Variants in GALNT7 observed in about 807,000 individuals in gnomAD.
The protein encoded by GALNT7 is N-acetylgalactosaminyltransferase 7.
A neutral mutation model predicts 82.1 loss-of-function variants in GALNT7; 60 were observed. The observed-to-expected ratio is 0.73, with a 90% CI of 0.59 to 0.91. The LOEUF is 0.91. Among genes scored for constraint, GALNT7 ranks in the 40% least tolerant of loss-of-function variants. GALNT7 has a pLI of 0.00. For synonymous variants in GALNT7, 243 were observed against 275.1 expected (o/e 0.88, Z 1.15); for missense variants, 660 against 804.2 (o/e 0.82, Z 2.17).
intron 2 of GALNT7, among the ~76,000 whole-genome samples, chr4:173,255,828 G>A (rs79002528): frequency 0.014 from 2,114 of 152,252 alleles, 52 homozygotes; most frequent in African/African-American, 0.043. Flanking sequence ...TGTGCATGGC[G>A]GAACACACGC....
rs10520257 is a variant in GALNT7 at position 173,311,323 on chromosome 4, G to T, written c.1390-2635G>T. On this transcript the variant is annotated intron_variant, in intron 8 of 11. Transcript: ENST00000265000. Reference sequence around the variant, plus strand: ...GAGTACATGTACTGTGTCTAATTTCGTATGGATTTGCAAAGATTCAGAATG... The same window carrying T: ...GAGTACATGTACTGTGTCTAATTTCTTATGGATTTGCAAAGATTCAGAATG... Among the ~76,000 whole-genome samples, 646 of 152,186 alleles carry T rather than the reference G, an allele frequency of 4.2e-3. 10 individuals carry two copies. The highest frequency in any genetic ancestry group is 6.8e-3 in the Middle Eastern group (2 of 294).
At chr4:173,251,521 T>C (rs1734845531) in intron 2 of GALNT7, among the ~76,000 whole-genome samples, 1 of 152,240 alleles carries the variant, frequency 6.6e-6, no homozygotes, top group South Asian at 2.1e-4. Flanking sequence ...TTGCCTTGTC[T>C]ACATCCTCTT....
chr4:173,204,078 T>G (rs993349151), intron 1 of GALNT7, among the ~76,000 whole-genome samples: 1 of 152,212 alleles, frequency 6.6e-6, no homozygotes, highest in African/African-American at 2.4e-5. Flanking sequence ...CTCTCCTTAA[T>G]TCTGAAGCAC....
intron 2 of GALNT7, among the ~76,000 whole-genome samples, chr4:173,257,637 G>C (rs867867721): frequency 4.6e-5 from 7 of 152,114 alleles, no homozygotes; most frequent in Admixed American, 1.3e-4. Flanking sequence ...CTGAATCCTA[G>C]GGGAGATTCC....
chr4:173,290,324 A>G (rs1475938277), intron 2 of GALNT7, among the ~76,000 whole-genome samples: 1 of 152,230 alleles, frequency 6.6e-6, no homozygotes, highest in East Asian at 1.9e-4. Context: ...TTTCATTCTT[A>G]TTAAAAGAAT....
chr4:173,276,020 AGT>A (rs1735894364), intron 2 of GALNT7, among the ~76,000 whole-genome samples: 1 of 152,208 alleles, frequency 6.6e-6, no homozygotes, highest in Non-Finnish European at 1.5e-5. Flanking sequence ...TTAATTATCT[AGT>A]TTCATCCTGA....
chr4:173,271,126 A>G (rs983676820), intron 2 of GALNT7, among the ~76,000 whole-genome samples: 1 of 152,240 alleles, frequency 6.6e-6, no homozygotes, highest in Middle Eastern at 3.2e-3. Context: ...CAGCAAAGCC[A>G]TCTGCAAAGT....
chr4:173,279,521 C>T (rs968352351), intron 2 of GALNT7, among the ~76,000 whole-genome samples: 3 of 152,196 alleles, frequency 2.0e-5, no homozygotes, highest in African/African-American at 7.2e-5. Flanking sequence ...ATATTGATTT[C>T]TGAATGCTAA....
At chr4:173,284,273 A>G (rs1736228512) in intron 2 of GALNT7, among the ~76,000 whole-genome samples, 1 of 152,238 alleles carries the variant, frequency 6.6e-6, no homozygotes, top group Non-Finnish European at 1.5e-5. Context: ...TAAGACAACA[A>G]TTGTCTGTAA....
chr4:173,288,183 T>C, intron 2 of GALNT7, among the ~76,000 whole-genome samples: 1 of 143,986 alleles, frequency 6.9e-6, no homozygotes. Context: ...CTCGGGAGGC[T>C]GAGGCAGGAG....
At chr4:173,300,540 A>G (rs1262138728) in intron 6 of GALNT7, among the ~76,000 whole-genome samples, 1 of 151,842 alleles carries the variant, frequency 6.6e-6, no homozygotes, top group South Asian at 2.1e-4. Context: ...ACATTTCAGG[A>G]TCGTGAATAA....
rs79692039 is a variant in GALNT7, at chr4:173,319,985, C to T, written c.1836+1426C>T. 1.5e-3 allele frequency among the ~76,000 whole-genome samples: 226 copies of T among 152,206 alleles called. 3 individuals are homozygous for T. In the East Asian group the frequency reaches 0.037, roughly 25 times the overall value. On this transcript the variant is annotated intron_variant, in intron 11 of 11. Transcript: ENST00000265000. ...GATGAGCAAAGATGTGGCATGAAAA[C>T]ATGTAGAAAATTCAAAGAATTGTAT...
chr4:173,273,687 T>G (rs1735806120), intron 2 of GALNT7, among the ~76,000 whole-genome samples: 1 of 152,170 alleles, frequency 6.6e-6, no homozygotes, highest in African/African-American at 2.4e-5. Flanking sequence ...ACAGGAGCCC[T>G]TGACCCTCTG....
intron 2 of GALNT7, among the ~76,000 whole-genome samples, chr4:173,281,452 T>C (rs992551297): frequency 1.3e-5 from 2 of 152,144 alleles, no homozygotes; most frequent in South Asian, 4.1e-4. Context: ...AGTTGCCACA[T>C]GTCATCCTAT....
Position 173,302,246 on chromosome 4 carries a change from G to A in GALNT7, c.1266+82G>A. The A allele has an allele frequency of 2.6e-6, 2 of 758,274 alleles. No homozygotes were observed. Among genetic ancestry groups the A allele is most frequent in the East Asian group, 2.5e-5 (1 of 40,726 alleles). 47.0% of individuals were successfully genotyped at this position (758,274 alleles called of 1,614,324 possible). The stretch of plus-strand genomic sequence containing the variant: ...TTCAGATAAAGCTAGTTTTTTGTGG[G>A]GGAAAAAAGCCCACAATTATATCAT... On this transcript the variant is annotated intron_variant, in intron 7 of 11. Coordinates refer to ENST00000265000, the MANE Select transcript of GALNT7 (RefSeq NM_017423.3). The surrounding 1 kb of genome is among the most constrained non-coding windows in gnomAD (Gnocchi z 4.2).
At chr4:173,243,069 A>G (rs1207044617) in intron 1 of GALNT7, among the ~76,000 whole-genome samples, 1 of 152,216 alleles carries the variant, frequency 6.6e-6, no homozygotes, top group Non-Finnish European at 1.5e-5. Context: ...TCAAGAGATC[A>G]TGTGACTGCA....
intron 2 of GALNT7, among the ~76,000 whole-genome samples, chr4:173,259,570 A>T (rs946763502): frequency 4.6e-5 from 7 of 151,966 alleles, no homozygotes; most frequent in African/African-American, 1.7e-4. Flanking sequence ...CTTTATTCTG[A>T]GTTATATTAA....
intron 7 of GALNT7, among the ~76,000 whole-genome samples, chr4:173,303,563 C>T (rs7684941): frequency 6.6e-6 from 1 of 152,138 alleles, no homozygotes; most frequent in Non-Finnish European, 1.5e-5. Flanking sequence ...CTGCCCTTCA[C>T]CTATAATAAT....
In GALNT7 at chr4:173,292,122, A is replaced by T. The variant is rs1736563112; in HGVS notation, c.602A>T (p.His201Leu). ...TCTCTTTACAGATGCAAGTATTGGC[A>T]TTATGATGAAAACTTGCTCACTTCG... ...DLRQEECKYW[H>L]YDENLLTSSV... is the part of the protein sequence containing the mutation. The change falls in exon 3 of 12, where the codon CAT becomes CTT. Residue 201 changes from histidine (H) to leucine (L), a missense_variant. By Grantham distance (99) the His-to-Leu change is moderately conservative. Coordinates refer to ENST00000265000, the MANE Select transcript of GALNT7 (RefSeq NM_017423.3). This position sits in a 1 kb window ranked among gnomAD's most constrained non-coding sequence, Gnocchi z 4.8. The T allele has an allele frequency of 6.2e-7, 1 of 1,607,014 alleles. No homozygotes were observed. Among genetic ancestry groups the T allele is most frequent in the Middle Eastern group, 1.7e-4 (1 of 6,048 alleles).
Sources: allele counts gnomAD v4.1 joint callset (sites outside exome capture counted in the v4.1 genomes callset), GRCh38; gene constraint gnomAD v4.1.1; non-coding constraint Gnocchi (gnomAD v3.1); transcripts MANE v1.5; gene names NCBI Gene and HGNC (gene_info 2026-07-23, HGNC 2026-07-21).